RGL1: variants seen among roughly 807,000 people sequenced by gnomAD.
RGL1 encodes ral guanine nucleotide dissociation stimulator-like 1.
A neutral mutation model predicts 95.2 loss-of-function variants in RGL1; 24 were observed. That is an observed-to-expected ratio of 0.25 (90% CI 0.18 to 0.35). The LOEUF (loss-of-function observed/expected upper bound fraction) is 0.35, where lower values mean the gene tolerates loss of function less well. Ranked by LOEUF, RGL1 falls within the 10% of genes least tolerant of loss-of-function variation. The pLI is 1.00. For missense variants in RGL1, 715 were observed against 936.3 expected, an observed-to-expected ratio of 0.76 and a Z score of 3.08; for synonymous variants, 329 against 344.9, an observed-to-expected ratio of 0.95 and a Z score of 0.51.
intron 4 of RGL1, among the ~76,000 whole-genome samples, chr1:183,872,975 A>G (rs970450388): frequency 2.0e-5 from 3 of 152,202 alleles, no homozygotes; most frequent in African/African-American, 7.2e-5. Context: ...CATATCGAAG[A>G]GTCTGGTATT....
At chr1:183,761,667 T>A (rs1236673412) in intron 2 of RGL1, among the ~76,000 whole-genome samples, 1 of 152,204 alleles carries the variant, frequency 6.6e-6, no homozygotes, top group Non-Finnish European at 1.5e-5. Flanking sequence ...AGAATCAACC[T>A]CTTCTTTGAA....
chr1:183,662,830 AC>A (rs1651742076), intron 1 of RGL1, among the ~76,000 whole-genome samples: 1 of 152,218 alleles, frequency 6.6e-6, no homozygotes, highest in Non-Finnish European at 1.5e-5. Flanking sequence ...GGCTACAGTA[AC>A]CAAAACAGCA....
chr1:183,704,567 G>A (rs141695774), intron 1 of RGL1, among the ~76,000 whole-genome samples: 1 of 152,220 alleles, frequency 6.6e-6, no homozygotes, highest in Non-Finnish European at 1.5e-5. Flanking sequence ...GGAAGGTGTT[G>A]GTCTGTTAGG....
intron 2 of RGL1, among the ~76,000 whole-genome samples, chr1:183,824,900 C>T (rs1326119562): frequency 6.6e-6 from 1 of 152,112 alleles, no homozygotes; most frequent in Non-Finnish European, 1.5e-5. Flanking sequence ...GAAATGTAAT[C>T]ACCCTCCGCC....
intron 2 of RGL1, among the ~76,000 whole-genome samples, chr1:183,765,502 T>C (rs910320070): frequency 5.3e-5 from 8 of 152,174 alleles, no homozygotes; most frequent in African/African-American, 1.9e-4. Flanking sequence ...GAATCAGTAA[T>C]GTTTCAAACA....
intron 2 of RGL1, among the ~76,000 whole-genome samples, chr1:183,828,436 G>C (rs181483765): frequency 7.9e-5 from 12 of 152,274 alleles, no homozygotes; most frequent in Admixed American, 2.6e-4. Flanking sequence ...TGTGTGGAGT[G>C]GGGGTAGAGG....
intron 1 of RGL1, chr1:183,648,873 A>C: frequency 2.0e-6 from 2 of 998,988 alleles, no homozygotes; most frequent in Non-Finnish European, 2.9e-6. Context: ...ACAGTGCATT[A>C]ATTTATTAAA....
At chr1:183,923,405 C>G (rs2102762777) in intron 17 of RGL1, among the ~76,000 whole-genome samples, 1 of 152,310 alleles carries the variant, frequency 6.6e-6, no homozygotes, top group African/African-American at 2.4e-5. Context: ...GAGCCTTAGG[C>G]TGTGGGGCAA....
intron 4 of RGL1, among the ~76,000 whole-genome samples, chr1:183,869,656 C>T (rs1476798927): frequency 2.0e-5 from 3 of 152,006 alleles, no homozygotes; most frequent in Admixed American, 6.6e-5. Flanking sequence ...TGTTTTTCAT[C>T]TCACTTCACT....
intron 1 of RGL1, among the ~76,000 whole-genome samples, chr1:183,666,921 C>A (rs1652080615): frequency 6.6e-6 from 1 of 152,176 alleles, no homozygotes; most frequent in Non-Finnish European, 1.5e-5. Context: ...CAGGCTGTAT[C>A]TGCCCATTCT....
intron 1 of RGL1, among the ~76,000 whole-genome samples, chr1:183,692,201 G>A (rs1653984925): frequency 6.6e-6 from 1 of 152,216 alleles, no homozygotes; most frequent in African/African-American, 2.4e-5. Flanking sequence ...AGTATCTTCA[G>A]AACTTGCCAC....
chr1:183,851,447 T>C lies in RGL1; in HGVS notation c.347+3673T>C, dbSNP rs146135430. Among the ~76,000 whole-genome samples, 6 of 152,330 alleles carry C rather than the reference T, an allele frequency of 3.9e-5. No individual in the cohort carries two copies. In the East Asian group the frequency reaches 1.2e-3, roughly 29 times the overall value. On this transcript the variant is annotated intron_variant, in intron 3 of 17. Coordinates refer to ENST00000360851, the MANE Select transcript of RGL1 (RefSeq NM_001297671.3). Reference sequence around the variant, plus strand: ...GGAATGCCCTCTGCATAATTTTATATTCATGATTTTGTATTCTTTTTCTTT... The same window carrying C: ...GGAATGCCCTCTGCATAATTTTATACTCATGATTTTGTATTCTTTTTCTTT...
intron 3 of RGL1, among the ~76,000 whole-genome samples, chr1:183,862,039 T>A (rs1665540122): frequency 6.6e-6 from 1 of 152,134 alleles, no homozygotes; most frequent in Non-Finnish European, 1.5e-5. Context: ...TTCTCCTTAA[T>A]GATAAGAAAG....
chr1:183,832,358 G>T (rs1663319745), intron 2 of RGL1, among the ~76,000 whole-genome samples: 2 of 152,186 alleles, frequency 1.3e-5, no homozygotes, highest in Admixed American at 1.3e-4. Flanking sequence ...TTAAATTAGA[G>T]TTGTCTGTGA....
intron 1 of RGL1, among the ~76,000 whole-genome samples, chr1:183,656,399 G>A (rs1379889623): frequency 6.6e-6 from 1 of 152,190 alleles, no homozygotes. Flanking sequence ...TTTAAGTTCA[G>A]CCTAAAGGTT....
intron 1 of RGL1, among the ~76,000 whole-genome samples, chr1:183,668,023 GTGTC>G (rs761988626): frequency 0.078 from 6,569 of 84,632 alleles, 189 homozygotes; most frequent in Non-Finnish European, 0.12. Context: ...GTGTGTGTGT[GTGTC>G]TGTGTGTAAT....
chr1:183,847,655 G>A lies in RGL1; in HGVS notation c.228G>A (p.Lys76=). 1 of 1,614,144 alleles carries A rather than the reference G, an allele frequency of 6.2e-7. No individual in the cohort carries two copies. Among genetic ancestry groups the A allele is most frequent in the Non-Finnish European group, 8.5e-7 (1 of 1,179,984 alleles). Residue 76 remains lysine, a synonymous_variant, in exon 3 of 18, where the codon AAG becomes AAA. Transcript: ENST00000360851. ...CCATAAAAGCTGGCACCTTGGAGAA[G>A]CTTGTGGAGAACCTGCTGACAGCTT... ...IRTIKAGTLE[K]LVENLLTAFG... is the part of the protein sequence containing the mutation.
At chr1:183,891,970 A>G in intron 8 of RGL1, 107 bp from the exon 9 acceptor site, 1 of 773,364 alleles carries the variant, frequency 1.3e-6, no homozygotes, top group Non-Finnish European at 2.1e-6. Context: ...CAACCCTGAG[A>G]TCAGCACAGT....
intron 1 of RGL1, among the ~76,000 whole-genome samples, chr1:183,728,597 AT>A (rs1363378859): frequency 6.6e-6 from 1 of 152,182 alleles, no homozygotes; most frequent in East Asian, 1.9e-4. Context: ...TGATTTATAG[AT>A]TTGATGACAT....
Sources: allele counts gnomAD v4.1 joint callset (sites outside exome capture counted in the v4.1 genomes callset), GRCh38; gene constraint gnomAD v4.1.1; transcripts MANE v1.5; gene names NCBI Gene and HGNC (gene_info 2026-07-23, HGNC 2026-07-21).